TRAPPC8: variants seen among roughly 807,000 people sequenced by gnomAD.
The protein encoded by TRAPPC8 is general sporulation gene 1 homolog.
A neutral mutation model predicts 174.3 loss-of-function variants in TRAPPC8; 54 were observed. That is an observed-to-expected ratio of 0.31 (90% confidence interval 0.25 to 0.39). TRAPPC8 has a LOEUF of 0.39. TRAPPC8 is among the 10% of genes least tolerant of loss of function. TRAPPC8 has a pLI of 1.00. For missense variants in TRAPPC8, 1,531 were observed against 1,699.1 expected (o/e 0.90, Z 1.74); for synonymous variants, 630 against 579.9 (o/e 1.09, Z -1.24).
intron 3 of TRAPPC8, 75 bp downstream of exon 3, chr18:31,917,503 C>T: frequency 7.5e-7 from 1 of 1,332,832 alleles, no homozygotes; most frequent in Non-Finnish European, 1.0e-6. Context: ...AACAATTTTG[C>T]CTTCATTAAC....
intron 26 of TRAPPC8, chr18:31,844,501 A>G (rs1170337782): frequency 2.0e-5 from 3 of 152,262 alleles, no homozygotes; most frequent in Non-Finnish European, 4.4e-5. Context: ...CACTTCAGTA[A>G]AAAGTTCAAA....
rs140353813 is a variant in TRAPPC8 at position 31,940,036 on chromosome 18, T to C, written c.157+2572A>G. Among the ~76,000 whole-genome samples, 1,087 of 152,180 alleles carry C rather than the reference T, an allele frequency of 7.1e-3. 14 individuals carry two copies. Among genetic ancestry groups the C allele is most frequent in the African/African-American group, 0.025 (1,048 of 41,512 alleles). On this transcript the variant is annotated intron_variant, in intron 1 of 28. Coordinates refer to ENST00000283351, the MANE Select transcript of TRAPPC8 (RefSeq NM_014939.5). ...GTACTTGAAATGTGACTAGTACAAA[T>C]TGAGATGTTAAGTATAAAAGGCACA... is the stretch of plus-strand genomic sequence containing the variant.
intron 16 of TRAPPC8, among the ~76,000 whole-genome samples, chr18:31,869,814 C>A (rs575700408): frequency 6.6e-5 from 10 of 152,206 alleles, no homozygotes; most frequent in South Asian, 2.1e-4. Context: ...GAAGGCCGGG[C>A]GCGGTGGCTC....
At chr18:31,848,817 A>C (rs912718105) in intron 25 of TRAPPC8, among the ~76,000 whole-genome samples, 2 of 152,190 alleles carry the variant, frequency 1.3e-5, no homozygotes, top group African/African-American at 4.8e-5. Flanking sequence ...TAGTACATGC[A>C]TATGATACAA....
intron 22 of TRAPPC8, among the ~76,000 whole-genome samples, chr18:31,853,499 C>G (rs2033824720): frequency 6.6e-6 from 1 of 152,062 alleles, no homozygotes; most frequent in African/African-American, 2.4e-5. Flanking sequence ...AACTGCTGAC[C>G]TCAAGTGATC....
At chr18:31,939,076 C>G (rs2038219497) in intron 1 of TRAPPC8, among the ~76,000 whole-genome samples, 1 of 112,702 alleles carries the variant, frequency 8.9e-6, no homozygotes, top group Admixed American at 1.0e-4. Flanking sequence ...GAGCGAGACT[C>G]CGTCTCAAAA....
intron 11 of TRAPPC8, among the ~76,000 whole-genome samples, chr18:31,894,972 C>T (rs2036123629): frequency 6.6e-6 from 1 of 152,176 alleles, no homozygotes; most frequent in African/African-American, 2.4e-5. Flanking sequence ...ACATCCTATG[C>T]GGTGATAAAG....
Position 31,830,814 on chromosome 18 carries a change from C to T in TRAPPC8, c.4249G>A (p.Val1417Met). 1.2e-6 allele frequency: 2 copies of T among 1,614,194 alleles called. No homozygotes were observed. The highest frequency in any genetic ancestry group is 1.7e-6 in the Non-Finnish European group (2 of 1,180,034). ...VFAKLSDQVTVFETSQQNSMP... is the reference protein window; with the variant it reads ...VFAKLSDQVTMFETSQQNSMP... ...GAATTCTGCTGACTTGTTTCAAACA[C>T]TGTAACTTGGTCCGATAACTTGGCA... Residue 1417 changes from valine (V) to methionine (M), a missense_variant, in exon 29 of 29, where the codon GTG (valine) becomes ATG (methionine). By Grantham distance (21) the Val-to-Met change is conservative. Transcript: ENST00000283351.
At chr18:31,907,330 A>G in intron 9 of TRAPPC8, 130 bp downstream of exon 9, 2 of 854,562 alleles carry the variant, frequency 2.3e-6, no homozygotes, top group Non-Finnish European at 1.6e-6. Context: ...TAAGGAATTA[A>G]CAATCTGTAA....
At chr18:31,908,460 A>G in intron 7 of TRAPPC8, 42 bp from the exon 8 acceptor site, 1 of 1,347,442 alleles carries the variant, frequency 7.4e-7, no homozygotes, top group Non-Finnish European at 1.0e-6. Context: ...CAAAGAATTT[A>G]GTATTTTTCC....
chr18:31,942,519 C>T, intron 1 of TRAPPC8, 89 bp downstream of exon 1: 9 of 1,407,428 alleles, frequency 6.4e-6, no homozygotes, highest in Non-Finnish European at 8.4e-6. Context: ...GACGTAAACA[C>T]TGCCCTTCTC....
intron 2 of TRAPPC8, 42 bp downstream of exon 2, chr18:31,931,287 C>T (rs199836615): frequency 1.0e-5 from 15 of 1,460,132 alleles, no homozygotes; most frequent in East Asian, 7.2e-5. Context: ...TCTAACAAAA[C>T]GAAATTTCAC....
intron 11 of TRAPPC8, among the ~76,000 whole-genome samples, chr18:31,895,173 T>C (rs1158204314): frequency 6.6e-6 from 1 of 152,138 alleles, no homozygotes; most frequent in Non-Finnish European, 1.5e-5. Flanking sequence ...GGAACACAGC[T>C]CAGGAATGTC....
intron 2 of TRAPPC8, among the ~76,000 whole-genome samples, chr18:31,929,557 T>C (rs982523885): frequency 6.6e-6 from 1 of 151,926 alleles, no homozygotes; most frequent in South Asian, 2.1e-4. Context: ...CTGGCATAGT[T>C]GGTAGGCTGA....
intron 26 of TRAPPC8, 54 bp downstream of exon 26, chr18:31,846,660 AAC>A: frequency 2.2e-6 from 3 of 1,386,522 alleles, no homozygotes; most frequent in Non-Finnish European, 3.0e-6. Flanking sequence ...ACCAAACAAC[AAC>A]AAAAAAAAAC....
chr18:31,888,458 G>A (rs1191481968), intron 12 of TRAPPC8, among the ~76,000 whole-genome samples: 1 of 152,162 alleles, frequency 6.6e-6, no homozygotes. Context: ...CTGTTTTATG[G>A]CACACATATG....
rs138440273 is a variant in TRAPPC8 at position 31,893,413 on chromosome 18, G to A, written c.1597-2547C>T. Among the ~76,000 whole-genome samples the A allele has an allele frequency of 4.7e-3, 713 of 151,958 alleles. 8 individuals are homozygous for A. Among genetic ancestry groups the A allele is most frequent in the African/African-American group, 0.016 (672 of 41,390 alleles). ...TGTGTGTGTGTGTGTGCGCGCGCGC[G>A]TGTGCCTGTGTGTGTGTTACCCTGG... On this transcript the variant is annotated intron_variant, in intron 11 of 28. Coordinates refer to ENST00000283351, the MANE Select transcript of TRAPPC8 (RefSeq NM_014939.5).
At chr18:31,892,701 A>T (rs1398582976) in intron 11 of TRAPPC8, among the ~76,000 whole-genome samples, 1 of 152,116 alleles carries the variant, frequency 6.6e-6, no homozygotes, top group African/African-American at 2.4e-5. Context: ...GTTCCACTCT[A>T]CTCAGCCAAA....
At chr18:31,913,598 C>CA in intron 4 of TRAPPC8, 76 bp from the exon 5 acceptor site, 3 of 1,091,756 alleles carry the variant, frequency 2.7e-6, no homozygotes, top group South Asian at 2.2e-5. Flanking sequence ...TAAAGTAGTA[C>CA]AAAAATAACA....
Sources: gnomAD v4.1 joint callset for allele counts (sites outside exome capture counted in the v4.1 genomes callset) on GRCh38, gnomAD v4.1.1 for gene constraint, MANE v1.5 for transcripts, NCBI Gene and HGNC (gene_info 2026-07-23, HGNC 2026-07-21) for gene names.